ELP2: variants seen among roughly 807,000 people sequenced by gnomAD.
The protein encoded by ELP2 is elongator complex protein 2.
In ELP2, 90 loss-of-function variants were observed where a neutral mutation model predicts 119.2. The observed-to-expected ratio is 0.75, with a 90% CI of 0.64 to 0.90. The LOEUF (loss-of-function observed/expected upper bound fraction) is 0.90. Among genes scored for constraint, ELP2 ranks in the 40% least tolerant of loss-of-function variants. ELP2 has a pLI of 0.00. For synonymous variants in ELP2, 339 were observed against 331.0 expected, an observed-to-expected ratio of 1.02 and a Z score of -0.26; for missense variants, 921 against 967.8, an observed-to-expected ratio of 0.95 and a Z score of 0.64.
chr18:36,170,176 A>C lies in ELP2; in HGVS notation c.2190A>C (p.Pro730=). The C allele has an allele frequency of 1.2e-6, 2 of 1,614,170 alleles. No individual in the cohort carries two copies. The highest frequency in any genetic ancestry group is 1.7e-6 in the Non-Finnish European group (2 of 1,180,022). ...CTGTGACAGCTGTCAGCGTCTGCCC[A>C]GTGCTCCACCCTTCTCAACGGTCAG... The part of the protein sequence containing the change: ...GGAVTAVSVC[P]VLHPSQRYVV... Residue 730 remains proline (P), a synonymous_variant, in exon 20 of 22, where the codon CCA becomes CCC. Transcript: ENST00000358232.
Position 36,171,031 on chromosome 18 carries a change from C to G in ELP2, c.2211-16C>G. 6.5e-7 allele frequency: 1 copy of G among 1,543,794 alleles called. No individual in the cohort carries two copies. Among genetic ancestry groups the G allele is most frequent in the South Asian group, 1.1e-5 (1 of 89,590 alleles). The stretch of plus-strand genomic sequence containing the variant: ...ATGCTAAGTTAATCACTGTTGTCCC[C>G]CTCCCTTAAAAACAGATACGTGGTT... On this transcript the variant is annotated splice_polypyrimidine_tract_variant and intron_variant, in intron 20 of 21. Coordinates refer to ENST00000358232, the MANE Select transcript of ELP2 (RefSeq NM_018255.4).
chr18:36,138,571 T>G, intron 4 of ELP2, 145 bp downstream of exon 4: 2 of 1,027,244 alleles, frequency 1.9e-6, no homozygotes, highest in South Asian at 1.5e-5. Flanking sequence ...TCTTTTGCAC[T>G]TATTTAAAAT....
chr18:36,174,931 G>C lies in ELP2; in HGVS notation c.*290G>C, dbSNP rs1057483081. ...GGGTCTCAAACTCCTCGTCTCAGGT[G>C]ATCTGCTTGCCTCGGCCTCCCAAAG... On this transcript the variant is annotated 3_prime_UTR_variant, in exon 22 of 22. Transcript: ENST00000358232. 1.0e-4 allele frequency: 37 copies of C among 354,944 alleles called. No homozygotes were observed. The highest frequency in any genetic ancestry group is 2.0e-4 in the Non-Finnish European group (37 of 186,984). 22.0% of individuals were successfully genotyped at this position (354,944 alleles called of 1,614,324 possible). A position where few individuals can be genotyped will look rare whatever the true frequency, so the allele number is the denominator to read the frequency against.
intron 12 of ELP2, among the ~76,000 whole-genome samples, chr18:36,155,235 A>G (rs1169911867): frequency 7.0e-6 from 1 of 141,924 alleles, no homozygotes; most frequent in Non-Finnish European, 1.5e-5. Flanking sequence ...CTGGTCTCGA[A>G]CTCCTGACCT....
At chr18:36,144,431 A>G (rs2144642194) in intron 8 of ELP2, among the ~76,000 whole-genome samples, 1 of 152,270 alleles carries the variant, frequency 6.6e-6, no homozygotes, top group African/African-American at 2.4e-5. Context: ...AGGAAACTTA[A>G]ATTAATAGCA....
intron 18 of ELP2, among the ~76,000 whole-genome samples, chr18:36,166,533 T>C (rs921215829): frequency 1.3e-5 from 2 of 151,800 alleles, no homozygotes; most frequent in African/African-American, 4.8e-5. Context: ...GGTTTCATCA[T>C]GTTGGGCAGG....
Position 36,145,929 on chromosome 18 carries a change from A to ATTAGGT in ELP2, c.893-16_893-11dup. The ATTAGGT allele has an allele frequency of 6.3e-7, 1 of 1,584,276 alleles. No homozygotes were observed. The highest frequency in any genetic ancestry group is 8.7e-7 in the Non-Finnish European group (1 of 1,152,946). On this transcript the variant is annotated intron_variant, in intron 9 of 21. Transcript: ENST00000358232. ...TGATGATTGTTGATCACCTAAAGGGATTAGGTTTTATTTTTTAGATGGTGT... is the reference window on the plus strand; with the variant it reads ...TGATGATTGTTGATCACCTAAAGGGATTAGGTTTAGGTTTTATTTTTTAGATGGTGT...
Position 36,159,977 on chromosome 18 carries a change from T to C in ELP2, c.1650T>C (p.His550=). The C allele has an allele frequency of 6.2e-7, 1 of 1,614,140 alleles. No homozygotes were observed. Among genetic ancestry groups the C allele is most frequent in the South Asian group, 1.1e-5 (1 of 91,082 alleles). ...TTCTAGAGCCTCCCACTGAGGATCA[T>C]CTTCTGCAGAATACTTTGTGGCCTG... The part of the protein sequence containing the change: ...SILTEPPTED[H]LLQNTLWPEV... Residue 550 remains histidine, a synonymous_variant, in exon 16 of 22, where the codon CAT becomes CAC. Transcript: ENST00000358232.
chr18:36,149,045 T>C lies in ELP2; in HGVS notation c.1125+2664T>C, dbSNP rs1336976323. Among the ~76,000 whole-genome samples, 4 of 152,236 alleles carry C rather than the reference T, an allele frequency of 2.6e-5. No individual in the cohort carries two copies. The East Asian group carries it at 7.7e-4, about 29-fold the overall frequency. On this transcript the variant is annotated intron_variant, in intron 11 of 21. Coordinates refer to ENST00000358232, the MANE Select transcript of ELP2 (RefSeq NM_018255.4). ...ATATACAACTTCACTTTTTCAGGCATCTGGGATAATTAAGCTAAGAGACAA... is the reference window on the plus strand; with the variant it reads ...ATATACAACTTCACTTTTTCAGGCACCTGGGATAATTAAGCTAAGAGACAA...
At chr18:36,156,124 A>T (rs2090565138) in intron 12 of ELP2, among the ~76,000 whole-genome samples, 1 of 152,188 alleles carries the variant, frequency 6.6e-6, no homozygotes, top group Non-Finnish European at 1.5e-5. Flanking sequence ...TCAGTTTCTG[A>T]TAGAAATTCA....
intron 19 of ELP2, among the ~76,000 whole-genome samples, chr18:36,169,731 G>A (rs1373211284): frequency 1.3e-5 from 2 of 152,052 alleles, no homozygotes; most frequent in Non-Finnish European, 2.9e-5. Context: ...AGCTTCTTGG[G>A]GAAGTGCATG....
At chr18:36,173,307 A>C (rs891780076) in intron 21 of ELP2, among the ~76,000 whole-genome samples, 1 of 152,254 alleles carries the variant, frequency 6.6e-6, no homozygotes, top group Non-Finnish European at 1.5e-5. Flanking sequence ...GTTCAGAACT[A>C]GCTTACTAAT....
chr18:36,179,561 G>A lies in ELP2; in HGVS notation c.*4920G>A, dbSNP rs72888765. ...GAAGGAGAGAGGCCATGCTGTGTCC[G>A]AGAAGCTCCTACTGGGGTGGAAGGG... On this transcript the variant is annotated 3_prime_UTR_variant, in exon 22 of 22. Transcript: ENST00000358232. The A allele has an allele frequency of 0.084, 12,751 of 151,530 alleles. 640 individuals are homozygous for A. Among genetic ancestry groups the A allele is most frequent in the East Asian group, 0.14 (723 of 5,130 alleles). 9.4% of individuals were successfully genotyped at this position (151,530 alleles called of 1,614,324 possible).
rs757030759 is a variant in ELP2, at chr18:36,170,116, T to G, written c.2130T>G (p.Ile710Met). 8 of 1,614,092 alleles carry G rather than the reference T, an allele frequency of 5.0e-6. No homozygotes were observed. In the East Asian group the frequency reaches 1.6e-4, roughly 31 times the overall value. Residue 710 changes from isoleucine (I) to methionine (M), a missense_variant, in exon 20 of 22, where the codon ATT (isoleucine) becomes ATG (methionine). By Grantham distance (10) the Ile-to-Met change is conservative (BLOSUM62 1). Transcript: ENST00000358232. ...DSTDDCIEHNIGPCSSVLDVG... is the reference protein window; with the variant it reads ...DSTDDCIEHNMGPCSSVLDVG... ...CTGATGACTGTATTGAGCACAACATTGGCCCCTGCTCCTCAGTCCTGGACG... is the reference window on the plus strand; with the variant it reads ...CTGATGACTGTATTGAGCACAACATGGGCCCCTGCTCCTCAGTCCTGGACG...
intron 11 of ELP2, 137 bp from the exon 12 acceptor site, chr18:36,154,713 T>C: frequency 1.2e-6 from 1 of 860,450 alleles, no homozygotes; most frequent in African/African-American, 1.7e-5. Flanking sequence ...ATCCTATTAT[T>C]CTGTGATCCG....
intron 21 of ELP2, among the ~76,000 whole-genome samples, chr18:36,174,041 A>C (rs1406143062): frequency 6.6e-6 from 1 of 152,168 alleles, no homozygotes; most frequent in African/African-American, 2.4e-5. Context: ...CCAGTAGTAA[A>C]AATGCAATTC....
chr18:36,169,723 C>T (rs553092809), intron 19 of ELP2, among the ~76,000 whole-genome samples: 3 of 152,218 alleles, frequency 2.0e-5, no homozygotes, highest in African/African-American at 7.2e-5. Flanking sequence ...TTTGTGGTAG[C>T]TTCTTGGGGA....
rs759195187 is a variant in ELP2, at chr18:36,138,513, A to G, written c.445+87A>G. On this transcript the variant is annotated intron_variant, in intron 4 of 21. Transcript: ENST00000358232. The stretch of plus-strand genomic sequence containing the variant: ...TAGAAGAGCATATATATAATTCTTT[A>G]CAACTTTGGAGCAACTTTAAAAATA... 1.6e-4 allele frequency: 230 copies of G among 1,423,530 alleles called. 1 individual carries two copies. The highest frequency in any genetic ancestry group is 2.0e-4 in the Non-Finnish European group (211 of 1,031,052). The allele number at this position is 1,423,530 out of a possible 1,614,324, so 88.2% of individuals were successfully genotyped here. A position where few individuals can be genotyped will look rare whatever the true frequency, so the allele number is the denominator to read the frequency against.
intron 1 of ELP2, among the ~76,000 whole-genome samples, chr18:36,130,346 C>T (rs1663932292): frequency 6.6e-6 from 1 of 152,238 alleles, no homozygotes; most frequent in African/African-American, 2.4e-5. Context: ...GAATGATAAG[C>T]ATCTTACCTG....
Sources: allele counts gnomAD v4.1 joint callset (sites outside exome capture counted in the v4.1 genomes callset), GRCh38; gene constraint gnomAD v4.1.1; transcripts MANE v1.5; gene names NCBI Gene and HGNC (gene_info 2026-07-23, HGNC 2026-07-21).